Variants in STPG4 observed in about 807,000 individuals in gnomAD.
The protein encoded by STPG4 is sperm-tail PG-rich repeat containing 4, also known as protein STPG4.
In STPG4, 41 loss-of-function variants were observed where a neutral mutation model predicts 31.5. The observed-to-expected ratio is 1.30, with a 90% CI of 1.01 to 1.69. The LOEUF is 1.69. Among genes scored for constraint, STPG4 ranks in the 40% most tolerant of loss-of-function variants. The pLI is 0.00. For synonymous variants in STPG4, 141 were observed against 103.0 expected (o/e 1.37, Z -2.24); for missense variants, 375 against 293.4 (o/e 1.28, Z -2.03).
chr2:47,102,050 A>T (rs941595735), intron 5 of STPG4, among the ~76,000 whole-genome samples: 2 of 151,848 alleles, frequency 1.3e-5, no homozygotes, highest in African/African-American at 4.9e-5. Flanking sequence ...GGACCACTAA[A>T]TCCAACCTTC....
intron 5 of STPG4, among the ~76,000 whole-genome samples, chr2:47,099,226 G>C (rs1489010764): frequency 7.6e-6 from 1 of 132,394 alleles, no homozygotes; most frequent in Non-Finnish European, 1.7e-5. Context: ...CTCATCCTCT[G>C]TTTTCTTAGG....
chr2:47,087,618 A>G (rs1384460264), intron 6 of STPG4, among the ~76,000 whole-genome samples: 1 of 152,264 alleles, frequency 6.6e-6, no homozygotes, highest in Non-Finnish European at 1.5e-5. Context: ...ACCCAGAGTT[A>G]TTAAAGTAAG....
intron 6 of STPG4, among the ~76,000 whole-genome samples, chr2:47,089,826 C>T (rs1486578952): frequency 2.6e-5 from 4 of 152,052 alleles, no homozygotes; most frequent in African/African-American, 7.2e-5. Flanking sequence ...GTGGGGTGAT[C>T]GCTAATGCCT....
intron 3 of STPG4, among the ~76,000 whole-genome samples, chr2:47,130,586 G>A (rs111788935): frequency 9.2e-5 from 14 of 151,996 alleles, no homozygotes; most frequent in African/African-American, 2.7e-4. Flanking sequence ...CGTGATTTCC[G>A]CTCGCTGCAG....
At chr2:47,127,090 G>A (rs1209213148) in intron 5 of STPG4, among the ~76,000 whole-genome samples, 1 of 151,744 alleles carries the variant, frequency 6.6e-6, no homozygotes, top group Non-Finnish European at 1.5e-5. Flanking sequence ...TTATCCCTTT[G>A]AATAAACTTT....
chr2:47,096,256 T>C (rs1685666961), intron 5 of STPG4, among the ~76,000 whole-genome samples: 1 of 152,086 alleles, frequency 6.6e-6, no homozygotes, highest in African/African-American at 2.4e-5. Flanking sequence ...ATGTATAGGA[T>C]GCTATGGAGA....
intron 5 of STPG4, among the ~76,000 whole-genome samples, chr2:47,113,890 C>T (rs1295719030): frequency 3.3e-5 from 5 of 151,838 alleles, no homozygotes; most frequent in African/African-American, 1.2e-4. Context: ...AAAAATTAGC[C>T]AGGTGTGGTG....
At chr2:47,119,719 A>T (rs967418928) in intron 5 of STPG4, among the ~76,000 whole-genome samples, 5 of 152,204 alleles carry the variant, frequency 3.3e-5, no homozygotes, top group Non-Finnish European at 5.9e-5. Context: ...CCAGTGCAGT[A>T]AGACCAGATA....
intron 5 of STPG4, among the ~76,000 whole-genome samples, chr2:47,101,363 G>A (rs960264561): frequency 2.6e-5 from 4 of 151,642 alleles, no homozygotes; most frequent in African/African-American, 9.7e-5. Context: ...CCAGGGTCCC[G>A]ACAACAAGTT....
chr2:47,101,945 C>T (rs941580163), intron 5 of STPG4, among the ~76,000 whole-genome samples: 2 of 151,644 alleles, frequency 1.3e-5, no homozygotes, highest in African/African-American at 2.4e-5. Context: ...GAGAATGTGT[C>T]GGTAAGGGCC....
intron 5 of STPG4, among the ~76,000 whole-genome samples, chr2:47,121,594 A>G (rs1044742263): frequency 2.6e-5 from 4 of 152,228 alleles, no homozygotes; most frequent in African/African-American, 4.8e-5. Flanking sequence ...TTCATTCACT[A>G]TGACTGCTAT....
intron 5 of STPG4, among the ~76,000 whole-genome samples, chr2:47,103,964 G>T (rs1685851343): frequency 6.6e-6 from 1 of 151,970 alleles, no homozygotes; most frequent in Admixed American, 6.5e-5. Context: ...TCTGTAACCA[G>T]GTATTTCTCC....
At chr2:47,107,459 C>A (rs560797820) in intron 5 of STPG4, among the ~76,000 whole-genome samples, 1 of 152,202 alleles carries the variant, frequency 6.6e-6, no homozygotes, top group African/African-American at 2.4e-5. Context: ...GGTCCCCCAG[C>A]AGTGCCAGCC....
intron 5 of STPG4, among the ~76,000 whole-genome samples, chr2:47,117,491 G>A (rs1382408282): frequency 1.3e-5 from 2 of 152,322 alleles, no homozygotes; most frequent in South Asian, 2.1e-4. Flanking sequence ...TAACAGGCAT[G>A]AGCCACCATG....
chr2:47,116,780 G>T (rs942785011), intron 5 of STPG4, among the ~76,000 whole-genome samples: 1 of 152,162 alleles, frequency 6.6e-6, no homozygotes, highest in Non-Finnish European at 1.5e-5. Flanking sequence ...TATGCATTTA[G>T]AAGAGGACAT....
At chr2:47,092,799 GTT>G (rs34105765) in intron 5 of STPG4, among the ~76,000 whole-genome samples, 57,968 of 148,708 alleles carry the variant, frequency 0.39, 12,478 homozygotes, top group Middle Eastern at 0.52. Context: ...CCACGGTTCT[GTT>G]TTTTTTTTTT....
At chr2:47,097,609 G>T (rs1288075941) in intron 5 of STPG4, among the ~76,000 whole-genome samples, 2 of 152,176 alleles carry the variant, frequency 1.3e-5, no homozygotes, top group Non-Finnish European at 2.9e-5. Context: ...GCCACGTGCA[G>T]ATACAGCTAG....
intron 5 of STPG4, among the ~76,000 whole-genome samples, chr2:47,098,003 C>T (rs1184362749): frequency 2.0e-5 from 3 of 151,276 alleles, no homozygotes; most frequent in Non-Finnish European, 4.4e-5. Flanking sequence ...TCAACTTTCT[C>T]AGGTTAACAC....
At chr2:47,111,814 G>T (rs1686041792) in intron 5 of STPG4, among the ~76,000 whole-genome samples, 1 of 152,090 alleles carries the variant, frequency 6.6e-6, no homozygotes, top group South Asian at 2.1e-4. Context: ...CAGTTATTTC[G>T]AAAATAACGT....
Sources: allele counts gnomAD v4.1 joint callset (sites outside exome capture counted in the v4.1 genomes callset), GRCh38; gene constraint gnomAD v4.1.1; transcripts MANE v1.5; gene names NCBI Gene and HGNC (gene_info 2026-07-23, HGNC 2026-07-21).